RGS5: variants seen among roughly 807,000 people sequenced by gnomAD.
RGS5 encodes the protein regulator of G-protein signalling 5.
In RGS5, 20 loss-of-function variants were observed where a neutral mutation model predicts 18.9. The observed-to-expected ratio is 1.06, with a 90% CI of 0.74 to 1.54. RGS5 has a LOEUF of 1.54. RGS5 is among the 40% of genes most tolerant of loss of function. The pLI is 0.00. For missense variants in RGS5, 201 were observed against 211.8 expected, an observed-to-expected ratio of 0.95 and a Z score of 0.32; for synonymous variants, 57 against 76.2, an observed-to-expected ratio of 0.75 and a Z score of 1.31.
intron 4 of RGS5, among the ~76,000 whole-genome samples, chr1:163,149,261 G>A (rs1657279823): frequency 2.0e-5 from 3 of 152,140 alleles, no homozygotes; most frequent in Admixed American, 2.0e-4. Context: ...AGCTAGTGTG[G>A]ATTAGAGGTG....
intron 2 of RGS5, among the ~76,000 whole-genome samples, chr1:163,274,428 T>G (rs1648800533): frequency 6.6e-6 from 1 of 152,068 alleles, no homozygotes; most frequent in African/African-American, 2.4e-5. Context: ...AAGAAGCTCC[T>G]GTGCTAGGAT....
At chr1:163,202,157 C>T (rs1043861566) in intron 1 of RGS5, among the ~76,000 whole-genome samples, 1 of 152,148 alleles carries the variant, frequency 6.6e-6, no homozygotes, top group Non-Finnish European at 1.5e-5. Context: ...CCAGTTACTT[C>T]TATCTAATGA....
chr1:163,261,871 T>C (rs571949265), intron 2 of RGS5, among the ~76,000 whole-genome samples: 1 of 151,084 alleles, frequency 6.6e-6, no homozygotes, highest in Non-Finnish European at 1.5e-5. Context: ...TAGTAAATCT[T>C]TGCATTCCTA....
At chr1:163,218,842 C>A (rs1000444645), upstream of RGS5, among the ~76,000 whole-genome samples, 4 of 152,048 alleles carry the variant, frequency 2.6e-5, no homozygotes, top group East Asian at 7.7e-4. Flanking sequence ...GTGTTCTCTA[C>A]CTGACAAAAG....
chr1:163,209,589 C>T (rs970472268), intron 1 of RGS5, among the ~76,000 whole-genome samples: 3 of 152,042 alleles, frequency 2.0e-5, no homozygotes, highest in East Asian at 1.9e-4. Flanking sequence ...TGGTTTTATA[C>T]GTTTCTTGCT....
chr1:163,252,296 A>C (rs923862131), intron 2 of RGS5, among the ~76,000 whole-genome samples: 1 of 123,854 alleles, frequency 8.1e-6, no homozygotes. Flanking sequence ...TTTACTGTTG[A>C]ATTTTGAAGA....
chr1:163,168,177 T>C lies in RGS5; in HGVS notation c.155+81A>G, dbSNP rs1658137456. ...AATGAGTAATTGAAGGGGGTAGTTC[T>C]ACAGATGAGGAATGGTGCTAAACAC... On this transcript the variant is annotated intron_variant, in intron 2 of 4. Transcript: ENST00000313961. 3 of 1,035,754 alleles carry C rather than the reference T, an allele frequency of 2.9e-6. No homozygotes were observed. In the East Asian group the frequency reaches 7.1e-5, roughly 25 times the overall value. The allele number at this position is 1,035,754 out of a possible 1,614,324, so 64.2% of individuals were successfully genotyped here. A position where few individuals can be genotyped will look rare whatever the true frequency, so the allele number is the denominator to read the frequency against.
chr1:163,306,320 C>T (rs532528846), exon 2 of RGS5: 3 of 152,106 alleles, frequency 2.0e-5, no homozygotes, highest in African/African-American at 2.4e-5. Flanking sequence ...GCTTTTTAAG[C>T]GCTCTGTTTC....
At chr1:163,298,565 T>C (rs2101730325) in intron 2 of RGS5, among the ~76,000 whole-genome samples, 1 of 152,234 alleles carries the variant, frequency 6.6e-6, no homozygotes, top group East Asian at 1.9e-4. Context: ...ACAAAGGTTG[T>C]CTTGTTATAC....
intron 2 of RGS5, among the ~76,000 whole-genome samples, chr1:163,277,209 A>T (rs1241590837): frequency 6.6e-6 from 1 of 152,144 alleles, no homozygotes; most frequent in African/African-American, 2.4e-5. Flanking sequence ...AAATCTACCT[A>T]TGACCTGGAA....
At chr1:163,200,703 G>A (rs1007143463) in intron 1 of RGS5, among the ~76,000 whole-genome samples, 1 of 152,060 alleles carries the variant, frequency 6.6e-6, no homozygotes, top group Non-Finnish European at 1.5e-5. Context: ...GAAACAATAT[G>A]TAATAGCTCA....
At chr1:163,174,709 G>A (rs1340415109) in intron 1 of RGS5, among the ~76,000 whole-genome samples, 3 of 152,172 alleles carry the variant, frequency 2.0e-5, no homozygotes, top group Non-Finnish European at 4.4e-5. Flanking sequence ...CTAGCAATCT[G>A]AAAAGAATCA....
chr1:163,311,216 T>C (rs1453453624), intron 1 of RGS5, among the ~76,000 whole-genome samples: 3 of 152,228 alleles, frequency 2.0e-5, no homozygotes, highest in African/African-American at 7.2e-5. Context: ...TCAGCCTTCA[T>C]ATAATTAAAG....
At chr1:163,191,635 T>A (rs1659360373) in intron 1 of RGS5, among the ~76,000 whole-genome samples, 1 of 152,238 alleles carries the variant, frequency 6.6e-6, no homozygotes, top group African/African-American at 2.4e-5. Flanking sequence ...AAAACTCTTC[T>A]AATTTCCTGA....
intron 2 of RGS5, chr1:163,244,528 T>C (rs1647878596): frequency 6.6e-6 from 1 of 152,236 alleles, no homozygotes; most frequent in Non-Finnish European, 1.5e-5. Flanking sequence ...TTTTATTTTT[T>C]ATCTTGGCAG....
rs1657164007 is a variant in RGS5 at position 163,147,165 on chromosome 1, A to T, written c.*177T>A. On this transcript the variant is annotated 3_prime_UTR_variant, in exon 5 of 5. Transcript: ENST00000313961. Reference sequence around the variant, plus strand: ...GAGTGGGGAAAGAAGGCCTTCGGACAGTAGATAAGTATCCAAAGCAGTGTG... The same window carrying T: ...GAGTGGGGAAAGAAGGCCTTCGGACTGTAGATAAGTATCCAAAGCAGTGTG... The T allele has an allele frequency of 2.0e-6, 1 of 488,362 alleles. No homozygotes were observed. The highest frequency in any genetic ancestry group is 4.1e-5 in the Admixed American group (1 of 24,256). The allele number at this position is 488,362 out of a possible 1,614,324, so 30.3% of individuals were successfully genotyped here.
chr1:163,208,488 C>A (rs1236777122), intron 1 of RGS5, among the ~76,000 whole-genome samples: 1 of 115,332 alleles, frequency 8.7e-6, no homozygotes, highest in African/African-American at 3.1e-5. Flanking sequence ...CACTCCAACC[C>A]TGGGCAACAG....
chr1:163,238,575 G>C lies in RGS5; in HGVS notation c.-281+67658C>G, dbSNP rs375128180. 1.7e-5 allele frequency: 3 copies of C among 171,548 alleles called. No individual in the cohort carries two copies. In the South Asian group the frequency reaches 5.0e-4, roughly 28 times the overall value. The allele number at this position is 171,548 out of a possible 1,614,324, so 10.6% of individuals were successfully genotyped here. A position where few individuals can be genotyped will look rare whatever the true frequency, so the allele number is the denominator to read the frequency against. On this transcript the variant is annotated intron_variant, in intron 2 of 5. Transcript: ENST00000618415. ...TTATGGGACAATTGTAGAGCAACCTGGTGACCATGGTCCTAAAGCTTTGTA... is the reference window on the plus strand; with the variant it reads ...TTATGGGACAATTGTAGAGCAACCTCGTGACCATGGTCCTAAAGCTTTGTA...
intron 2 of RGS5, among the ~76,000 whole-genome samples, chr1:163,249,135 T>C (rs528970809): frequency 1.6e-4 from 25 of 152,368 alleles, no homozygotes; most frequent in African/African-American, 6.0e-4. Flanking sequence ...TCAAGTCATC[T>C]ACCTCTGCTC....
Sources: gnomAD v4.1 joint callset for allele counts (sites outside exome capture counted in the v4.1 genomes callset) on GRCh38, gnomAD v4.1.1 for gene constraint, MANE v1.5 for transcripts, NCBI Gene and HGNC (gene_info 2026-07-23, HGNC 2026-07-21) for gene names.